HRH2: variants seen among roughly 807,000 people sequenced by gnomAD.
The protein encoded by HRH2 is histamine receptor H2.
Under a neutral mutation model 20.1 loss-of-function variants are expected in HRH2, and 4 were observed. That is an observed-to-expected ratio of 0.20 (90% CI 0.10 to 0.45). The LOEUF (loss-of-function observed/expected upper bound fraction) is 0.45, where lower values mean the gene tolerates loss of function less well. HRH2 is among the 20% of genes least tolerant of loss of function. HRH2 has a pLI of 0.99. For missense variants in HRH2, 250 were observed against 461.6 expected (o/e 0.54, Z 4.20); for synonymous variants, 197 against 200.7 (o/e 0.98, Z 0.16).
At chr5:175,659,979 G>A (rs571765419) in intron 1 of HRH2, among the ~76,000 whole-genome samples, 6 of 152,206 alleles carry the variant, frequency 3.9e-5, no homozygotes, top group South Asian at 2.1e-4. Context: ...ACCTTGTCCC[G>A]GTTAACCTTG....
Position 175,700,512 on chromosome 5 carries a change from G to C in HRH2, c.1077-7267G>C, listed in dbSNP as rs562528113. On this transcript the variant is annotated intron_variant, in intron 2 of 2. Transcript: ENST00000636584. ...ACATAAGTGCCTCGGCAAAGGGGCTGCAGGAGCCAGGAGGGAACCAGTAAT... is the reference window on the plus strand; with the variant it reads ...ACATAAGTGCCTCGGCAAAGGGGCTCCAGGAGCCAGGAGGGAACCAGTAAT... Among the ~76,000 whole-genome samples, 12 of 152,322 alleles carry C rather than the reference G, an allele frequency of 7.9e-5. No homozygotes were observed. In the East Asian group the frequency reaches 1.2e-3, roughly 15 times the overall value.
chr5:175,702,718 A>AT (rs778509797), intron 2 of HRH2, among the ~76,000 whole-genome samples: 4,336 of 139,694 alleles, frequency 0.031, 552 homozygotes, highest in African/African-American at 0.12. Context: ...CGCCTGGCTA[A>AT]TTTTTTCTTT....
chr5:175,690,538 T>TCTGCCTGC (rs151048898), intron 2 of HRH2, among the ~76,000 whole-genome samples: 1 of 152,174 alleles, frequency 6.6e-6, no homozygotes, highest in East Asian at 1.9e-4. Context: ...TTCCTGTCTG[T>TCTGCCTGC]CTGCCTGCCT....
chr5:175,688,067 C>T (rs1343258507), intron 2 of HRH2, among the ~76,000 whole-genome samples: 4 of 152,184 alleles, frequency 2.6e-5, no homozygotes, highest in Non-Finnish European at 5.9e-5. Flanking sequence ...TCTCACATCA[C>T]TCCAGCCTTT....
chr5:175,690,811 G>A (rs888866613), intron 2 of HRH2, among the ~76,000 whole-genome samples: 2 of 152,096 alleles, frequency 1.3e-5, no homozygotes, highest in African/African-American at 2.4e-5. Flanking sequence ...ATCTGCTTTC[G>A]GCCTCTCTGG....
chr5:175,676,367 G>A (rs576750956), intron 1 of HRH2, among the ~76,000 whole-genome samples: 1 of 152,340 alleles, frequency 6.6e-6, no homozygotes, highest in South Asian at 2.1e-4. Context: ...ACCGCCCTCA[G>A]AGCCAAAGCT....
intron 1 of HRH2, among the ~76,000 whole-genome samples, chr5:175,678,302 G>C (rs1047878679): frequency 2.6e-5 from 4 of 152,180 alleles, no homozygotes; most frequent in African/African-American, 9.7e-5. Context: ...TGCTGACCAT[G>C]CAGCTTTAGC....
intron 2 of HRH2, among the ~76,000 whole-genome samples, chr5:175,696,582 G>A (rs778923053): frequency 7.3e-4 from 111 of 152,304 alleles, no homozygotes; most frequent in Non-Finnish European, 1.2e-3. Context: ...GGATGTTAAG[G>A]GCCTCCTCCA....
chr5:175,683,290 C>T lies in HRH2; in HGVS notation c.57C>T (p.Ile19=), dbSNP rs1375612754. 2.5e-6 allele frequency: 4 copies of T among 1,614,148 alleles called. No homozygotes were observed. In the African/African-American group the frequency reaches 5.3e-5, roughly 22 times the overall value. ...SFCLDSTACK[I]TITVVLAVLI... ...GCCTGGACTCTACCGCATGCAAGAT[C>T]ACCATCACCGTGGTCCTTGCGGTCC... The change falls in exon 2 of 3, where the codon ATC becomes ATT. Residue 19 remains isoleucine, a synonymous_variant. Transcript: ENST00000636584.
At chr5:175,680,362 A>G (rs982259818) in intron 1 of HRH2, among the ~76,000 whole-genome samples, 6 of 152,184 alleles carry the variant, frequency 3.9e-5, no homozygotes, top group Non-Finnish European at 5.9e-5. Flanking sequence ...GTGTGTGCCC[A>G]TTGTGCATGC....
At chr5:175,697,640 G>A (rs918672299) in intron 2 of HRH2, among the ~76,000 whole-genome samples, 6 of 152,058 alleles carry the variant, frequency 3.9e-5, no homozygotes, top group Admixed American at 2.6e-4. Context: ...AGAGCTGTCC[G>A]GGTCACAGAC....
intron 1 of HRH2, among the ~76,000 whole-genome samples, chr5:175,663,046 C>A (rs562643942): frequency 5.9e-5 from 9 of 152,254 alleles, no homozygotes; most frequent in Admixed American, 3.3e-4. Flanking sequence ...ATGGATAGAC[C>A]ACATTTTCTT....
intron 1 of HRH2, among the ~76,000 whole-genome samples, chr5:175,676,279 A>G (rs1477944188): frequency 6.6e-6 from 1 of 152,236 alleles, no homozygotes; most frequent in Non-Finnish European, 1.5e-5. Flanking sequence ...ACAAATAGGT[A>G]TGTGTGTGCC....
chr5:175,667,543 TCCAGTCTGTCCTA>T (rs1449260300), intron 1 of HRH2, among the ~76,000 whole-genome samples: 7 of 145,058 alleles, frequency 4.8e-5, no homozygotes, highest in Non-Finnish European at 1.0e-4. Context: ...ACTAATACCA[TCCAGTCTGTCCTA>T]CCAGGCATAC....
At chr5:175,695,054 G>A (rs1180309245) in intron 2 of HRH2, among the ~76,000 whole-genome samples, 6 of 152,022 alleles carry the variant, frequency 3.9e-5, no homozygotes, top group Non-Finnish European at 7.4e-5. Context: ...GGCCCGTGCC[G>A]ATGACACAGA....
At chr5:175,682,209 G>C (rs1418374941) in intron 1 of HRH2, among the ~76,000 whole-genome samples, 1 of 152,230 alleles carries the variant, frequency 6.6e-6, no homozygotes, top group African/African-American at 2.4e-5. Flanking sequence ...TTCTGAAAAA[G>C]TTTGTCGGCC....
In HRH2 at chr5:175,684,037, G is replaced by A; in HGVS notation, c.804G>A (p.Val268=). The A allele has an allele frequency of 1.2e-6, 2 of 1,614,212 alleles. No homozygotes were observed. Among genetic ancestry groups the A allele is most frequent in the Non-Finnish European group, 1.7e-6 (2 of 1,180,042 alleles). ...GAGGGGATGATGCCATCAATGAGGT[G>A]TTAGAAGCCATCGTTCTGTGGCTGG... The part of the protein sequence containing the change: ...GLRGDDAINE[V]LEAIVLWLGY... Residue 268 remains valine (V), a synonymous_variant, in exon 2 of 3, where the codon GTG becomes GTA. Coordinates refer to ENST00000636584, the MANE Select transcript of HRH2 (RefSeq NM_001367711.1).
In HRH2 at chr5:175,684,159, A is replaced by G. The variant is rs772022828; in HGVS notation, c.926A>G (p.Asn309Ser). 3.1e-6 allele frequency: 5 copies of G among 1,614,176 alleles called. No individual in the cohort carries two copies. The highest frequency in any genetic ancestry group is 2.5e-6 in the Non-Finnish European group (3 of 1,180,026). Residue 309 changes from asparagine to serine, a missense_variant, in exon 2 of 3, where the codon AAC becomes AGC. Physicochemically the swap from Asn to Ser is conservative, Grantham distance 46. This residue lies in a region of HRH2 where 55 missense variants were observed against 66.9 expected (regional missense o/e 0.82). Coordinates refer to ENST00000636584, the MANE Select transcript of HRH2 (RefSeq NM_001367711.1). ...CAGCTCTTCTGCTGCAGGCTGGCCAACCGCAACTCCCACAAAACTTCTCTG... is the reference window on the plus strand; with the variant it reads ...CAGCTCTTCTGCTGCAGGCTGGCCAGCCGCAACTCCCACAAAACTTCTCTG... ...YQQLFCCRLA[N>S]RNSHKTSLRS...
intron 1 of HRH2, among the ~76,000 whole-genome samples, chr5:175,671,526 A>T (rs1422854033): frequency 6.6e-6 from 1 of 152,168 alleles, no homozygotes; most frequent in African/African-American, 2.4e-5. Flanking sequence ...GATGGTGATG[A>T]TGGTGGTCAC....
Sources: gnomAD v4.1 joint callset for allele counts (sites outside exome capture counted in the v4.1 genomes callset) on GRCh38, gnomAD v4.1.1 for gene constraint, gnomAD v4.1.1 regional missense constraint, MANE v1.5 for transcripts, NCBI Gene and HGNC (gene_info 2026-07-23, HGNC 2026-07-21) for gene names.